Variants in CADPS observed in about 807,000 individuals in gnomAD.
CADPS encodes calcium dependent secretion activator.
Under a neutral mutation model 167.3 loss-of-function variants are expected in CADPS, and 57 were observed. That is an observed-to-expected ratio of 0.34 (90% CI 0.28 to 0.42). The LOEUF is 0.42. Ranked by LOEUF, CADPS falls within the 20% of genes least tolerant of loss-of-function variation. CADPS has a pLI of 1.00. For missense variants in CADPS, 1,414 were observed against 1,738.1 expected (o/e 0.81, Z 3.32); for synonymous variants, 676 against 635.3 (o/e 1.06, Z -0.96).
chr3:62,787,541 A>G (rs930550098), intron 1 of CADPS, among the ~76,000 whole-genome samples: 8 of 152,194 alleles, frequency 5.3e-5, no homozygotes, highest in Admixed American at 1.3e-4. Flanking sequence ...ACTTTTATCT[A>G]TATTTTCCAT....
At chr3:62,518,621 T>G (rs1158465996) in intron 13 of CADPS, among the ~76,000 whole-genome samples, 1 of 152,182 alleles carries the variant, frequency 6.6e-6, no homozygotes, top group Non-Finnish European at 1.5e-5. Context: ...TGATTTCTGT[T>G]TTCTTGAAAA....
At chr3:62,768,967 C>T (rs2087726482) in intron 1 of CADPS, among the ~76,000 whole-genome samples, 1 of 152,124 alleles carries the variant, frequency 6.6e-6, no homozygotes, top group Non-Finnish European at 1.5e-5. Context: ...CTGGGTTTTG[C>T]CACCTACTGG....
intron 28 of CADPS, among the ~76,000 whole-genome samples, chr3:62,407,844 C>CT (rs2048210705): frequency 1.3e-5 from 2 of 152,272 alleles, no homozygotes; most frequent in Admixed American, 1.3e-4. Context: ...AGTGATTCTC[C>CT]TGCCTCAGCC....
chr3:62,729,411 A>G (rs57482674), intron 3 of CADPS, among the ~76,000 whole-genome samples: 23,473 of 151,702 alleles, frequency 0.15, 2,582 homozygotes, highest in African/African-American at 0.3. Flanking sequence ...GTTAGAGGGG[A>G]GATGACTTGC....
intron 26 of CADPS, among the ~76,000 whole-genome samples, chr3:62,463,090 A>C (rs902523193): frequency 6.6e-6 from 1 of 152,172 alleles, no homozygotes; most frequent in African/African-American, 2.4e-5. Flanking sequence ...AGGCTGCAAA[A>C]TGTCTCTGAA....
At chr3:62,574,588 T>C (rs1411801445) in intron 8 of CADPS, among the ~76,000 whole-genome samples, 1 of 152,138 alleles carries the variant, frequency 6.6e-6, no homozygotes, top group Non-Finnish European at 1.5e-5. Context: ...AATAATATAT[T>C]AATGTTTTCA....
At chr3:62,740,762 G>C (rs1405570000) in intron 3 of CADPS, among the ~76,000 whole-genome samples, 1 of 152,104 alleles carries the variant, frequency 6.6e-6, no homozygotes, top group East Asian at 1.9e-4. Flanking sequence ...CATTTACTGA[G>C]TTCCTATCAT....
chr3:62,480,892 GA>G (rs2061925556), intron 22 of CADPS, among the ~76,000 whole-genome samples: 1 of 152,152 alleles, frequency 6.6e-6, no homozygotes, highest in South Asian at 2.1e-4. Context: ...ACTAAAAAAG[GA>G]GAGAAGATTC....
rs1195229622 is a variant in CADPS at position 62,455,944 on chromosome 3, A to G, written c.3636+9423T>C. On this transcript the variant is annotated intron_variant, in intron 26 of 29. Transcript: ENST00000383710. The surrounding 1 kb of genome is among the most constrained non-coding windows in gnomAD (Gnocchi z 4.4). Reference sequence around the variant, plus strand: ...AGGTATAATTTATGTCACTGCTGCCAGTGACAACTTATCTATCATAGCCTG... The same window carrying G: ...AGGTATAATTTATGTCACTGCTGCCGGTGACAACTTATCTATCATAGCCTG... 1.3e-5 allele frequency among the ~76,000 whole-genome samples: 2 copies of G among 152,202 alleles called. No individual in the cohort carries two copies. Among genetic ancestry groups the G allele is most frequent in the African/African-American group, 2.4e-5 (1 of 41,448 alleles).
intron 6 of CADPS, among the ~76,000 whole-genome samples, chr3:62,598,575 T>C (rs1445231606): frequency 6.6e-6 from 1 of 152,220 alleles, no homozygotes; most frequent in Non-Finnish European, 1.5e-5. Context: ...CAAATTCCTA[T>C]CTCAAAAGTG....
At chr3:62,713,421 T>C (rs956768582) in intron 3 of CADPS, among the ~76,000 whole-genome samples, 10 of 152,200 alleles carry the variant, frequency 6.6e-5, no homozygotes, top group African/African-American at 2.4e-4. Flanking sequence ...CAATTTACCA[T>C]TGCCATGACA....
chr3:62,611,011 G>A (rs1466794923), intron 6 of CADPS, among the ~76,000 whole-genome samples: 1 of 152,048 alleles, frequency 6.6e-6, no homozygotes. Flanking sequence ...AGTGGAGGCT[G>A]GGGATACTGC....
chr3:62,647,615 C>T (rs902794231), intron 5 of CADPS, among the ~76,000 whole-genome samples: 2 of 152,096 alleles, frequency 1.3e-5, no homozygotes, highest in Non-Finnish European at 2.9e-5. Flanking sequence ...AATATGTATC[C>T]CGTGGCTGTT....
At chr3:62,631,949 TTCACTAAAA>T (rs1197826797) in intron 6 of CADPS, among the ~76,000 whole-genome samples, 3 of 152,190 alleles carry the variant, frequency 2.0e-5, no homozygotes. Flanking sequence ...ATGTGATGTA[TTCACTAAAA>T]CAAGGTGACC....
chr3:62,660,753 T>C (rs1406686826), intron 4 of CADPS, among the ~76,000 whole-genome samples: 2 of 152,212 alleles, frequency 1.3e-5, no homozygotes, highest in Admixed American at 6.5e-5. Flanking sequence ...AGGAGCCTGA[T>C]GCTATTTACA....
At chr3:62,812,053 A>T (rs1003501955) in intron 1 of CADPS, among the ~76,000 whole-genome samples, 3 of 152,188 alleles carry the variant, frequency 2.0e-5, no homozygotes, top group African/African-American at 4.8e-5. Context: ...GATTTTCATT[A>T]TGAGGCAAAG....
chr3:62,808,565 C>T (rs1471035763), intron 1 of CADPS, among the ~76,000 whole-genome samples: 1 of 152,130 alleles, frequency 6.6e-6, no homozygotes, highest in Non-Finnish European at 1.5e-5. Flanking sequence ...AGGTACCATT[C>T]TCCTGGTTTT....
At chr3:62,707,071 CAGAGGT>C (rs2082442553) in intron 3 of CADPS, among the ~76,000 whole-genome samples, 1 of 152,078 alleles carries the variant, frequency 6.6e-6, no homozygotes, top group Non-Finnish European at 1.5e-5. Context: ...AATTTTAGAG[CAGAGGT>C]CCCCAACCCT....
intron 1 of CADPS, among the ~76,000 whole-genome samples, chr3:62,858,078 G>A (rs1363047332): frequency 1.3e-5 from 2 of 152,096 alleles, no homozygotes; most frequent in African/African-American, 2.4e-5. Context: ...ACAGCAGGAG[G>A]TCAACAAATT....
Sources: gnomAD v4.1 joint callset for allele counts (sites outside exome capture counted in the v4.1 genomes callset) on GRCh38, gnomAD v4.1.1 for gene constraint, Gnocchi (gnomAD v3.1) non-coding constraint, MANE v1.5 for transcripts, NCBI Gene and HGNC (gene_info 2026-07-23, HGNC 2026-07-21) for gene names.